Variants in EFCAB8 observed in about 807,000 individuals in gnomAD.
The protein encoded by EFCAB8 is EF-hand calcium-binding domain-containing protein 8.
Under a neutral mutation model 116.3 loss-of-function variants are expected in EFCAB8, and 100 were observed. The observed-to-expected ratio is 0.86, with a 90% confidence interval of 0.73 to 1.02. The LOEUF (loss-of-function observed/expected upper bound fraction) is 1.02. Among genes scored for constraint, EFCAB8 ranks in the 50% least tolerant of loss-of-function variants. The pLI, the probability that EFCAB8 is intolerant of heterozygous loss-of-function variation, is 0.00. For missense variants in EFCAB8, 1,320 were observed against 1,416.9 expected, an observed-to-expected ratio of 0.93 and a Z score of 1.10; for synonymous variants, 558 against 567.9, an observed-to-expected ratio of 0.98 and a Z score of 0.25.
chr20:32,892,416 C>T (rs1985964650), intron 8 of EFCAB8, 119 bp downstream of exon 8: 3 of 839,592 alleles, frequency 3.6e-6, no homozygotes, highest in Non-Finnish European at 1.9e-6. Flanking sequence ...CTGGAAATAT[C>T]TCCCCACTGG....
At chr20:32,903,804 G>C (rs575615820) in intron 11 of EFCAB8, 1 of 152,736 alleles carries the variant, frequency 6.5e-6, no homozygotes, top group Non-Finnish European at 1.5e-5. Flanking sequence ...GCCTGGGCTA[G>C]CAGTGGCCAT....
chr20:32,902,908 T>C (rs1986496676), intron 11 of EFCAB8, among the ~76,000 whole-genome samples: 1 of 152,180 alleles, frequency 6.6e-6, no homozygotes, highest in African/African-American at 2.4e-5. Flanking sequence ...GTGCTGAGTG[T>C]GTGGACTGAC....
At chr20:32,892,387 A>G (rs1985963419) in intron 8 of EFCAB8, 90 bp downstream of exon 8, 3 of 1,190,768 alleles carry the variant, frequency 2.5e-6, no homozygotes, top group Non-Finnish European at 2.4e-6. Context: ...GGGCCCCCAG[A>G]AAGCCTCCTT....
intron 22 of EFCAB8, among the ~76,000 whole-genome samples, chr20:32,936,351 C>T (rs1988119437): frequency 6.6e-6 from 1 of 152,088 alleles, no homozygotes; most frequent in Admixed American, 6.6e-5. Context: ...GCTTTTATTA[C>T]CTGTGCTTTT....
chr20:32,917,262 C>T (rs1489203061), intron 17 of EFCAB8, 39 bp from the exon 18 acceptor site: 1 of 1,475,048 alleles, frequency 6.8e-7, no homozygotes, highest in Non-Finnish European at 9.2e-7. Context: ...GCATTACAGG[C>T]TGAGCTCTCA....
At chr20:32,865,089 G>A (rs776043809) in intron 2 of EFCAB8, among the ~76,000 whole-genome samples, 4 of 152,178 alleles carry the variant, frequency 2.6e-5, no homozygotes, top group Non-Finnish European at 4.4e-5. Flanking sequence ...CTCTGCAGCC[G>A]TGTGCTTCCC....
At chr20:32,872,167 G>A (rs538969183) in intron 3 of EFCAB8, among the ~76,000 whole-genome samples, 1 of 152,298 alleles carries the variant, frequency 6.6e-6, no homozygotes, top group East Asian at 1.9e-4. Context: ...GTTGTATAAG[G>A]AGAATAGAAT....
At chr20:32,865,390 G>C (rs561148205) in intron 2 of EFCAB8, among the ~76,000 whole-genome samples, 4 of 152,240 alleles carry the variant, frequency 2.6e-5, no homozygotes, top group African/African-American at 7.2e-5. Flanking sequence ...CTGGAACATG[G>C]TGCATGCTTG....
chr20:32,932,250 G>C, intron 22 of EFCAB8, among the ~76,000 whole-genome samples: 1 of 152,010 alleles, frequency 6.6e-6, no homozygotes, highest in Non-Finnish European at 1.5e-5. Flanking sequence ...GGCGGTGCAC[G>C]CCTGTAATCC....
At chr20:32,893,625 G>A (rs1986023570) in intron 9 of EFCAB8, among the ~76,000 whole-genome samples, 1 of 152,162 alleles carries the variant, frequency 6.6e-6, no homozygotes, top group African/African-American at 2.4e-5. Flanking sequence ...CATCCACTCT[G>A]ATCCTGGGTG....
intron 6 of EFCAB8, 65 bp downstream of exon 6, chr20:32,885,705 C>T: frequency 6.5e-7 from 1 of 1,527,382 alleles, no homozygotes; most frequent in Non-Finnish European, 8.8e-7. Context: ...TTAGCACCCC[C>T]ATGGTGAAGG....
rs1987379828 is a variant in EFCAB8, at chr20:32,920,151, A to T, written c.2348A>T (p.Asp783Val). The T allele has an allele frequency of 6.4e-7, 1 of 1,551,756 alleles. No homozygotes were observed. ...AGCAAACAGTCCATTTACAAAGAGGATGAAACGAGAAAAGGAGAATGGCAG... is the reference window on the plus strand; with the variant it reads ...AGCAAACAGTCCATTTACAAAGAGGTTGAAACGAGAAAAGGAGAATGGCAG... ...IHSKQSIYKE[D>V]ETRKGEWQKN... is the part of the protein sequence containing the mutation. Residue 783 changes from aspartate (D) to valine (V), a missense_variant, in exon 20 of 27, where the codon GAT (aspartate) becomes GTT (valine). Physicochemically the swap from Asp to Val is radical, Grantham distance 152. Coordinates refer to ENST00000400522, the MANE Select transcript of EFCAB8 (RefSeq NM_001143967.2).
intron 8 of EFCAB8, among the ~76,000 whole-genome samples, 188 bp downstream of exon 8, chr20:32,892,485 C>T (rs930633965): frequency 2.0e-5 from 3 of 152,178 alleles, no homozygotes; most frequent in Non-Finnish European, 4.4e-5. Context: ...GGTCACCTCT[C>T]ATGGTCACTC....
intron 1 of EFCAB8, among the ~76,000 whole-genome samples, chr20:32,862,134 CT>C (rs796463534): frequency 0.031 from 4,325 of 141,718 alleles, 193 homozygotes; most frequent in African/African-American, 0.1. Context: ...TATTTCTTTT[CT>C]TTTTTTTTTT....
intron 20 of EFCAB8, among the ~76,000 whole-genome samples, chr20:32,928,144 T>G (rs1347592085): frequency 6.6e-6 from 1 of 152,222 alleles, no homozygotes; most frequent in African/African-American, 2.4e-5. Flanking sequence ...CCCAAGTATT[T>G]TACTCTTTTT....
chr20:32,859,450 G>A (rs1983990800), intron 1 of EFCAB8, among the ~76,000 whole-genome samples: 1 of 151,980 alleles, frequency 6.6e-6, no homozygotes, highest in Non-Finnish European at 1.5e-5. Flanking sequence ...TCTTGCTTTT[G>A]CCCTTTTCTT....
intron 23 of EFCAB8, among the ~76,000 whole-genome samples, chr20:32,948,170 A>C (rs1482966711): frequency 6.6e-6 from 1 of 152,162 alleles, no homozygotes; most frequent in Non-Finnish European, 1.5e-5. Flanking sequence ...CTGATTCTAC[A>C]GATATTAAAA....
At chr20:32,902,827 G>C (rs1042097008) in intron 11 of EFCAB8, among the ~76,000 whole-genome samples, 1 of 152,208 alleles carries the variant, frequency 6.6e-6, no homozygotes, top group Admixed American at 6.5e-5. Flanking sequence ...CTTGCAGCCA[G>C]CCTCACCTGA....
chr20:32,937,680 G>GGTGGAGTACAATAC (rs1555868439), intron 22 of EFCAB8, among the ~76,000 whole-genome samples: 2 of 150,790 alleles, frequency 1.3e-5, no homozygotes, highest in African/African-American at 2.5e-5. Flanking sequence ...GTACAATGGT[G>GGTGGAGTACAATAC]TGATCTTGAC....
Sources: allele counts gnomAD v4.1 joint callset (sites outside exome capture counted in the v4.1 genomes callset), GRCh38; gene constraint gnomAD v4.1.1; transcripts MANE v1.5; gene names NCBI Gene and HGNC (gene_info 2026-07-23, HGNC 2026-07-21).